DAB1: variants seen among roughly 807,000 people sequenced by gnomAD.
DAB1 encodes DAB adaptor protein 1.
In DAB1, 15 loss-of-function variants were observed where a neutral mutation model predicts 64.6. That is an observed-to-expected ratio of 0.23 (90% CI 0.16 to 0.36). The LOEUF is 0.36. DAB1 is among the 10% of genes least tolerant of loss of function. The probability of loss-of-function intolerance (pLI) is 1.00; values close to 1 mark genes in which losing one functional copy is unlikely to be tolerated. For synonymous variants in DAB1, 235 were observed against 251.9 expected, an observed-to-expected ratio of 0.93 and a Z score of 0.64; for missense variants, 596 against 706.7, an observed-to-expected ratio of 0.84 and a Z score of 1.78.
intron 4 of DAB1, among the ~76,000 whole-genome samples, chr1:58,342,360 T>C (rs1643949750): frequency 6.6e-6 from 1 of 152,176 alleles, no homozygotes; most frequent in African/African-American, 2.4e-5. Flanking sequence ...TCAGCTTGGA[T>C]TCACAACCTC....
intron 13 of DAB1, 131 bp downstream of exon 13, chr1:57,011,014 A>G: frequency 8.0e-7 from 1 of 1,242,242 alleles, no homozygotes; most frequent in Non-Finnish European, 1.1e-6. Flanking sequence ...CCCCTTTAGC[A>G]ACCCCTTGAG....
At chr1:58,216,291 G>C (rs1161796514) in intron 4 of DAB1, among the ~76,000 whole-genome samples, 2 of 152,142 alleles carry the variant, frequency 1.3e-5, no homozygotes, top group East Asian at 3.9e-4. Context: ...TTGGTTTTCT[G>C]TTCCTGAGTT....
intron 5 of DAB1, among the ~76,000 whole-genome samples, chr1:57,954,769 T>A (rs1418879208): frequency 6.6e-6 from 1 of 152,190 alleles, no homozygotes; most frequent in East Asian, 1.9e-4. Flanking sequence ...AGAGTTTAGC[T>A]CTGTATGATA....
chr1:58,524,008 G>A (rs1204501790), intron 2 of DAB1, among the ~76,000 whole-genome samples: 1 of 152,160 alleles, frequency 6.6e-6, no homozygotes, highest in Non-Finnish European at 1.5e-5. Context: ...TGTGTAGCAG[G>A]CCTTTTTGCT....
At chr1:58,545,361 A>G (rs1208618317) in intron 1 of DAB1, among the ~76,000 whole-genome samples, 2 of 152,236 alleles carry the variant, frequency 1.3e-5, no homozygotes, top group Non-Finnish European at 2.9e-5. Context: ...TATCATTTCT[A>G]TCACTGACAA....
intron 5 of DAB1, among the ~76,000 whole-genome samples, chr1:58,033,845 C>G (rs150923536): frequency 7.2e-5 from 11 of 152,226 alleles, no homozygotes; most frequent in African/African-American, 1.9e-4. Flanking sequence ...CTAAATTGCA[C>G]CTATTCCAGT....
At chr1:57,332,000 A>G (rs953365987) in intron 1 of DAB1, among the ~76,000 whole-genome samples, 1 of 152,124 alleles carries the variant, frequency 6.6e-6, no homozygotes, top group African/African-American at 2.4e-5. Flanking sequence ...GTCTTGCTCT[A>G]TTGCCCAGCC....
At chr1:57,035,748 G>T (rs989986778) in intron 9 of DAB1, among the ~76,000 whole-genome samples, 2 of 150,640 alleles carry the variant, frequency 1.3e-5, no homozygotes, top group Non-Finnish European at 2.9e-5. Flanking sequence ...GTCTTGTTTG[G>T]TGTTTAGCAC....
chr1:57,145,190 C>A, intron 3 of DAB1, 100 bp downstream of exon 3: 1 of 1,204,614 alleles, frequency 8.3e-7, no homozygotes, highest in Non-Finnish European at 1.2e-6. Context: ...AGTAATTTAC[C>A]AATAAATGAA....
At chr1:58,005,063 G>C (rs183712987) in intron 5 of DAB1, among the ~76,000 whole-genome samples, 6 of 151,964 alleles carry the variant, frequency 3.9e-5, no homozygotes, top group Admixed American at 3.9e-4. Context: ...AGTGAGCTTG[G>C]GTGTCCCTCT....
intron 3 of DAB1, among the ~76,000 whole-genome samples, chr1:58,403,852 G>A (rs1644593452): frequency 6.6e-6 from 1 of 152,150 alleles, no homozygotes; most frequent in Non-Finnish European, 1.5e-5. Flanking sequence ...ACAGGCATAA[G>A]TCACTAAACA....
At chr1:57,404,530 A>G (rs1461002974) in intron 1 of DAB1, among the ~76,000 whole-genome samples, 1 of 152,230 alleles carries the variant, frequency 6.6e-6, no homozygotes, top group African/African-American at 2.4e-5. Flanking sequence ...TCTCTCTAGA[A>G]TTAAAAATAT....
At chr1:57,718,277 TAC>T (rs1189015834) in intron 6 of DAB1, among the ~76,000 whole-genome samples, 2 of 152,206 alleles carry the variant, frequency 1.3e-5, no homozygotes, top group East Asian at 1.9e-4. Context: ...CATAAATATG[TAC>T]AGTTATGTGA....
At chr1:58,477,019 T>C (rs924529321) in intron 3 of DAB1, among the ~76,000 whole-genome samples, 2 of 152,200 alleles carry the variant, frequency 1.3e-5, no homozygotes, top group African/African-American at 4.8e-5. Context: ...CAGCTCCCTT[T>C]CCAAAGACTG....
chr1:58,470,726 T>C (rs1645348567), intron 3 of DAB1, among the ~76,000 whole-genome samples: 1 of 152,224 alleles, frequency 6.6e-6, no homozygotes, highest in South Asian at 2.1e-4. Flanking sequence ...TCCGTCTTCC[T>C]GACTCCTGTC....
intron 2 of DAB1, among the ~76,000 whole-genome samples, chr1:57,215,938 A>T (rs1666391249): frequency 6.6e-6 from 1 of 152,156 alleles, no homozygotes; most frequent in African/African-American, 2.4e-5. Flanking sequence ...ACTCCGTGGG[A>T]GACCCCACTG....
intron 3 of DAB1, among the ~76,000 whole-genome samples, chr1:58,466,828 T>C (rs1195410691): frequency 6.6e-6 from 1 of 152,136 alleles, no homozygotes; most frequent in African/African-American, 2.4e-5. Flanking sequence ...GGGAGCTGTG[T>C]TTGTGCATCT....
intron 1 of DAB1, among the ~76,000 whole-genome samples, chr1:57,319,987 T>C (rs1675563180): frequency 6.6e-6 from 1 of 152,178 alleles, no homozygotes; most frequent in Admixed American, 6.5e-5. Flanking sequence ...AAGAAAGAAC[T>C]TGAGCCCCTG....
chr1:57,271,545 A>G (rs1257199169), intron 2 of DAB1, among the ~76,000 whole-genome samples: 1 of 152,222 alleles, frequency 6.6e-6, no homozygotes, highest in African/African-American at 2.4e-5. Flanking sequence ...ACAGCTTCAC[A>G]GGGTTGGTGA....
Sources: allele counts gnomAD v4.1 joint callset (sites outside exome capture counted in the v4.1 genomes callset), GRCh38; gene constraint gnomAD v4.1.1; transcripts MANE v1.5; gene names NCBI Gene and HGNC (gene_info 2026-07-23, HGNC 2026-07-21).